The following SHC2 variants were observed in gnomAD, a reference collection of about 807,000 sequenced individuals.
SHC2 encodes SHC-transforming protein 2.
A neutral mutation model predicts 60.6 loss-of-function variants in SHC2; 62 were observed. The observed-to-expected ratio is 1.02, with a 90% confidence interval of 0.83 to 1.26. SHC2 has a LOEUF of 1.26. Ranked by LOEUF, SHC2 falls within the 50% of genes most tolerant of loss-of-function variation. SHC2 has a pLI of 0.00. For missense variants in SHC2, 873 were observed against 822.2 expected (o/e 1.06, Z -0.76); for synonymous variants, 375 against 372.4 (o/e 1.01, Z -0.08).
At chr19:417,809 G>A (rs957996814) in intron 12 of SHC2, among the ~76,000 whole-genome samples, 2 of 152,088 alleles carry the variant, frequency 1.3e-5, no homozygotes, top group African/African-American at 2.4e-5. Flanking sequence ...CCTGCAGCCC[G>A]AGGCCTGGCT....
At chr19:450,519 C>T (rs1452659163) in intron 1 of SHC2, among the ~76,000 whole-genome samples, 2 of 152,176 alleles carry the variant, frequency 1.3e-5, no homozygotes, top group Non-Finnish European at 2.9e-5. Context: ...CCTCCCCAGC[C>T]CCATCCTACT....
intron 8 of SHC2, among the ~76,000 whole-genome samples, chr19:434,162 G>A (rs1210444101): frequency 2.1e-5 from 3 of 141,780 alleles, no homozygotes; most frequent in African/African-American, 8.2e-5. Flanking sequence ...GAGTGAGATA[G>A]TGAGTGAGAG....
At chr19:417,824 G>T (rs572508503) in intron 12 of SHC2, among the ~76,000 whole-genome samples, 36 of 152,254 alleles carry the variant, frequency 2.4e-4, no homozygotes, top group African/African-American at 8.7e-4. Context: ...CTGGCTGGGG[G>T]CTGGGTGGAG....
chr19:460,027 G>GCA (rs201048113), intron 1 of SHC2, among the ~76,000 whole-genome samples: 1 of 152,120 alleles, frequency 6.6e-6, no homozygotes, highest in Middle Eastern at 3.2e-3. Flanking sequence ...AAGACCCAAG[G>GCA]TAAATAAACA....
intron 9 of SHC2, among the ~76,000 whole-genome samples, chr19:428,735 T>C (rs1328686100): frequency 1.3e-5 from 2 of 152,194 alleles, no homozygotes; most frequent in Non-Finnish European, 2.9e-5. Context: ...TTTTGAACCA[T>C]GTGGACGAAT....
Position 440,788 on chromosome 19 carries a change from T to C in SHC2, c.539+74A>G. ...GCGCGGCTGTCGGAGAGCCCATCGC[T>C]GCCGCCCTCCAGTGCTGCCGCCCTC... On this transcript the variant is annotated intron_variant, in intron 2 of 12. Coordinates refer to ENST00000264554, the MANE Select transcript of SHC2 (RefSeq NM_012435.3). The surrounding 1 kb of genome is among the most constrained non-coding windows in gnomAD (Gnocchi z 7.0). 1 of 1,330,444 alleles carries C rather than the reference T, an allele frequency of 7.5e-7. No homozygotes were observed. The highest frequency in any genetic ancestry group is 1.1e-6 in the Non-Finnish European group (1 of 934,494). The allele number at this position is 1,330,444 out of a possible 1,614,324, so 82.4% of individuals were successfully genotyped here. A position where few individuals can be genotyped will look rare whatever the true frequency, so the allele number is the denominator to read the frequency against.
chr19:419,200 G>A lies in SHC2; in HGVS notation c.1621-144C>T, dbSNP rs1003840531. Reference sequence around the variant, plus strand: ...CGGACCAGGGAATTCCGGGACACCAGCCAAAGGATCGGCCTCAGAATTCCA... The same window carrying A: ...CGGACCAGGGAATTCCGGGACACCAACCAAAGGATCGGCCTCAGAATTCCA... On this transcript the variant is annotated intron_variant, in intron 11 of 12. Transcript: ENST00000264554. The A allele has an allele frequency of 4.2e-6, 4 of 952,724 alleles. No homozygotes were observed. In the Admixed American group the frequency reaches 1.2e-4, roughly 29 times the overall value. 59.0% of individuals were successfully genotyped at this position (952,724 alleles called of 1,614,324 possible). A position where few individuals can be genotyped will look rare whatever the true frequency, so the allele number is the denominator to read the frequency against.
chr19:450,199 C>T (rs1041038394), intron 1 of SHC2, among the ~76,000 whole-genome samples: 42 of 152,142 alleles, frequency 2.8e-4, no homozygotes, highest in African/African-American at 1.0e-3. Flanking sequence ...ACAATGACAC[C>T]GAACTGTCCC....
chr19:430,854 G>GCT, intron 8 of SHC2, 107 bp from the exon 9 acceptor site: 2 of 1,029,138 alleles, frequency 1.9e-6, no homozygotes, highest in Non-Finnish European at 2.9e-6. Context: ...GAGACTTAGG[G>GCT]GTGGGGAGCA....
intron 1 of SHC2, among the ~76,000 whole-genome samples, chr19:442,363 A>C: frequency 8.4e-6 from 1 of 119,582 alleles, no homozygotes; most frequent in Non-Finnish European, 1.7e-5. Flanking sequence ...GGAAGGATGG[A>C]TGGATGGGTG....
At chr19:430,371 G>A (rs192641315) in intron 9 of SHC2, among the ~76,000 whole-genome samples, 198 of 150,674 alleles carry the variant, frequency 1.3e-3, no homozygotes, top group African/African-American at 4.6e-3. Context: ...TGTGGAAGAC[G>A]CAGTACCTAT....
At chr19:458,779 G>T (rs1221589178) in intron 1 of SHC2, among the ~76,000 whole-genome samples, 2 of 143,406 alleles carry the variant, frequency 1.4e-5, no homozygotes, top group Non-Finnish European at 3.0e-5. Flanking sequence ...GGCGGGTTCC[G>T]GGGAGGCGGA....
chr19:456,874 C>A (rs889160712), intron 1 of SHC2, among the ~76,000 whole-genome samples: 1 of 122,850 alleles, frequency 8.1e-6, no homozygotes, highest in Non-Finnish European at 1.8e-5. Context: ...GGCCTTTGCA[C>A]CTGCTGTGCC....
intron 8 of SHC2, among the ~76,000 whole-genome samples, 198 bp from the exon 9 acceptor site, chr19:430,945 C>T (rs1457982401): frequency 1.3e-5 from 2 of 152,246 alleles, no homozygotes; most frequent in South Asian, 2.1e-4. Flanking sequence ...TGGCCTTCCC[C>T]GCCTTCTCTC....
chr19:449,527 G>C (rs1490576110), intron 1 of SHC2, among the ~76,000 whole-genome samples: 1 of 152,190 alleles, frequency 6.6e-6, no homozygotes, highest in East Asian at 1.9e-4. Flanking sequence ...CCATAGCTAT[G>C]CTGGAGAAAA....
At position 419,007 on chromosome 19, in the gene SHC2, T is replaced by C; in HGVS notation, c.1670A>G (p.His557Arg). The C allele has an allele frequency of 6.3e-7, 1 of 1,587,262 alleles. No individual in the cohort carries two copies. The highest frequency in any genetic ancestry group is 8.6e-7 in the Non-Finnish European group (1 of 1,167,308). The change falls in exon 12 of 13, where the codon CAC becomes CGC. Residue 557 changes from histidine to arginine, a missense_variant. By Grantham distance (29) the His-to-Arg change is conservative (BLOSUM62 0). Coordinates refer to ENST00000264554, the MANE Select transcript of SHC2 (RefSeq NM_012435.3). ...LFESISHLID[H>R]HLQNGQPIVA... ...GATGGGCTGCCCGTTCTGCAGGTGG[T>C]GGTCGATCAGGTGGCTGATGCTCTC...
intron 9 of SHC2, among the ~76,000 whole-genome samples, chr19:429,004 T>C (rs1018676228): frequency 4.8e-4 from 57 of 119,284 alleles, no homozygotes; most frequent in South Asian, 5.9e-4. Flanking sequence ...AGTACCTATA[T>C]CCAACATGCA....
In SHC2 at chr19:438,921, G is replaced by GCCCCCGACTGCCCCACC. The variant is rs1349197528; in HGVS notation, c.600+32_600+48dup. On this transcript the variant is annotated intron_variant, in intron 3 of 12. Coordinates refer to ENST00000264554, the MANE Select transcript of SHC2 (RefSeq NM_012435.3). This position sits in a 1 kb window ranked among gnomAD's most constrained non-coding sequence, Gnocchi z 5.0. ...CCAGGATGGCCGCAGCGTCCCCACAGCCCCCGACTGCCCCACCAGCCCCAC... is the reference window on the plus strand; with the variant it reads ...CCAGGATGGCCGCAGCGTCCCCACAGCCCCCGACTGCCCCACCCCCCCGACTGCCCCACCAGCCCCAC... 2 of 1,546,460 alleles carry GCCCCCGACTGCCCCACC rather than the reference G, an allele frequency of 1.3e-6. No homozygotes were observed. Among genetic ancestry groups the GCCCCCGACTGCCCCACC allele is most frequent in the East Asian group, 4.8e-5 (2 of 42,004 alleles).
chr19:428,258 A>C (rs1300665991), intron 9 of SHC2, among the ~76,000 whole-genome samples: 1 of 152,112 alleles, frequency 6.6e-6, no homozygotes, highest in Non-Finnish European at 1.5e-5. Flanking sequence ...GCCCGGTGGG[A>C]ATGTCGGTTG....
Sources: allele counts gnomAD v4.1 joint callset (sites outside exome capture counted in the v4.1 genomes callset), GRCh38; gene constraint gnomAD v4.1.1; non-coding constraint Gnocchi (gnomAD v3.1); transcripts MANE v1.5; gene names NCBI Gene and HGNC (gene_info 2026-07-23, HGNC 2026-07-21).